The following HTRA1 variants were observed in gnomAD, a reference collection of about 807,000 sequenced individuals.
The protein encoded by HTRA1 is HtrA serine peptidase 1.
Under a neutral mutation model 49.7 loss-of-function variants are expected in HTRA1, and 26 were observed. The observed-to-expected ratio is 0.52, with a 90% CI of 0.38 to 0.73. The LOEUF (loss-of-function observed/expected upper bound fraction) is 0.73, where lower values mean the gene tolerates loss of function less well. Ranked by LOEUF, HTRA1 falls within the 30% of genes least tolerant of loss-of-function variation. HTRA1 has a pLI of 0.00. For synonymous variants in HTRA1, 291 were observed against 286.9 expected (o/e 1.01, Z -0.14); for missense variants, 561 against 667.2 (o/e 0.84, Z 1.75).
Position 122,461,952 on chromosome 10 carries a change from G to C in HTRA1, c.300G>C (p.Thr100=). 2 of 1,488,686 alleles carry C rather than the reference G, an allele frequency of 1.3e-6. No individual in the cohort carries two copies. Among genetic ancestry groups the C allele is most frequent in the South Asian group, 1.3e-5 (1 of 79,556 alleles). 92.2% of individuals were successfully genotyped at this position (1,488,686 alleles called of 1,614,324 possible). A position where few individuals can be genotyped will look rare whatever the true frequency, so the allele number is the denominator to read the frequency against. Residue 100 remains threonine (T), a synonymous_variant, in exon 1 of 9, where the codon ACG becomes ACC. Coordinates refer to ENST00000368984, the MANE Select transcript of HTRA1 (RefSeq NM_002775.5). ...CCTTCGGGGTGCCAGCCTCGGCCAC[G>C]GTGCGGCGGCGCGCGCAGGCCGGCC... ...VVPFGVPASA[T]VRRRAQAGLC...
Position 122,464,229 on chromosome 10 carries a change from G to A in HTRA1, c.472+2105G>A, listed in dbSNP as rs1472140705. 6.6e-6 allele frequency among the ~76,000 whole-genome samples: 1 copy of A among 152,206 alleles called. No individual in the cohort carries two copies. Among genetic ancestry groups the A allele is most frequent in the Non-Finnish European group, 1.5e-5 (1 of 68,044 alleles). On this transcript the variant is annotated intron_variant, in intron 1 of 8. Transcript: ENST00000368984. The surrounding 1 kb of genome is among the most constrained non-coding windows in gnomAD (Gnocchi z 4.8). ...GTCCTGAGTTGCTGGCACCATGCGA[G>A]CCGCCTAATTTATTGCTAGTGAGGC... is the stretch of plus-strand genomic sequence containing the variant.
At chr10:122,498,291 TC>T (rs1243058520) in intron 3 of HTRA1, among the ~76,000 whole-genome samples, 20 of 152,164 alleles carry the variant, frequency 1.3e-4, no homozygotes, top group African/African-American at 4.6e-4. Context: ...TCTACTCCCC[TC>T]CCTAGACAGT....
rs2097497511 is a variant in HTRA1 at position 122,494,337 on chromosome 10, T to C, written c.777+4711T>C. ...GAAGCAAGGGCACCCGCCACATGGATGGAATTGAGGGGAAGGCACCCGGGG... is the reference window on the plus strand; with the variant it reads ...GAAGCAAGGGCACCCGCCACATGGACGGAATTGAGGGGAAGGCACCCGGGG... On this transcript the variant is annotated intron_variant, in intron 3 of 8. Transcript: ENST00000368984. The surrounding 1 kb of genome is among the most constrained non-coding windows in gnomAD (Gnocchi z 4.0). 6.6e-6 allele frequency among the ~76,000 whole-genome samples: 1 copy of C among 151,978 alleles called. No homozygotes were observed. The highest frequency in any genetic ancestry group is 2.4e-5 in the African/African-American group (1 of 41,380).
Position 122,509,674 on chromosome 10 carries a change from G to A in HTRA1, c.1121-422G>A, listed in dbSNP as rs113896767. 6.8e-3 allele frequency among the ~76,000 whole-genome samples: 1,034 copies of A among 152,304 alleles called. 14 individuals carry two copies. Among genetic ancestry groups the A allele is most frequent in the African/African-American group, 0.024 (990 of 41,554 alleles). On this transcript the variant is annotated intron_variant, in intron 6 of 8. Transcript: ENST00000368984. ...GATGTCACTGAAAGGACACTCTGAT[G>A]GCTGCGGGGAGTCTGCTGGAGGGGT...
At chr10:122,476,134 C>G (rs983459443) in intron 1 of HTRA1, among the ~76,000 whole-genome samples, 1 of 152,198 alleles carries the variant, frequency 6.6e-6, no homozygotes, top group Non-Finnish European at 1.5e-5. Flanking sequence ...TGATTTCTCT[C>G]CTGACCCTCA....
At chr10:122,507,447 G>A (rs2097503539) in intron 5 of HTRA1, 45 bp downstream of exon 5, 3 of 1,418,300 alleles carry the variant, frequency 2.1e-6, no homozygotes, top group Non-Finnish European at 3.0e-6. Context: ...TTTTATCTAT[G>A]TATACGCTGT....
intron 3 of HTRA1, among the ~76,000 whole-genome samples, chr10:122,496,459 A>G (rs1285379607): frequency 1.3e-5 from 2 of 151,614 alleles, no homozygotes; most frequent in Non-Finnish European, 2.9e-5. Context: ...TGATTTTATA[A>G]ATGTGTGTTG....
rs777317444 is a variant in HTRA1 at position 122,461,629 on chromosome 10, A to ACCG, written c.-12_-10dup. On this transcript the variant is annotated 5_prime_UTR_variant, in exon 1 of 9. Transcript: ENST00000368984. ...TCCGGCCCTCGCCCTGTCCGCCGCC[A>ACCG]CCGCCGCCGCCGCCAGAGTCGCCAT... The ACCG allele has an allele frequency of 1.6e-5, 20 of 1,279,526 alleles. No individual in the cohort carries two copies. Among genetic ancestry groups the ACCG allele is most frequent in the African/African-American group, 4.9e-5 (3 of 61,786 alleles). The allele number at this position is 1,279,526 out of a possible 1,614,324, so 79.3% of individuals were successfully genotyped here.
At position 122,490,851 on chromosome 10, in the gene HTRA1, G is replaced by A. The variant is rs1043461137; in HGVS notation, c.777+1225G>A. On this transcript the variant is annotated intron_variant, in intron 3 of 8. Coordinates refer to ENST00000368984, the MANE Select transcript of HTRA1 (RefSeq NM_002775.5). The surrounding 1 kb of genome is among the most constrained non-coding windows in gnomAD (Gnocchi z 4.2). ...TTTTATAACATCAAGTTGCTGCCCAGCTCAGGCTCCTTTACGGCCAGTCTT... is the reference window on the plus strand; with the variant it reads ...TTTTATAACATCAAGTTGCTGCCCAACTCAGGCTCCTTTACGGCCAGTCTT... Among the ~76,000 whole-genome samples the A allele has an allele frequency of 3.9e-5, 6 of 152,140 alleles. No homozygotes were observed. Among genetic ancestry groups the A allele is most frequent in the Admixed American group, 6.5e-5 (1 of 15,276 alleles).
At position 122,489,017 on chromosome 10, in the gene HTRA1, CT is replaced by C; in HGVS notation, c.572+21del. The C allele has an allele frequency of 6.3e-7, 1 of 1,586,472 alleles. No homozygotes were observed. Among genetic ancestry groups the C allele is most frequent in the Non-Finnish European group, 8.7e-7 (1 of 1,154,798 alleles). On this transcript the variant is annotated intron_variant, in intron 2 of 8. Coordinates refer to ENST00000368984, the MANE Select transcript of HTRA1 (RefSeq NM_002775.5). ...TGTTTCGCAAGTAAAGAGAGCCTTC[CT>C]TTTTCCTATAACCTCCGAAGCTTTC...
intron 1 of HTRA1, among the ~76,000 whole-genome samples, chr10:122,467,211 A>G (rs1286137181): frequency 6.6e-6 from 1 of 152,208 alleles, no homozygotes; most frequent in Non-Finnish European, 1.5e-5. Context: ...AGCTCTGGTC[A>G]GGCTTAATTT....
At position 122,506,929 on chromosome 10, in the gene HTRA1, T is replaced by C; in HGVS notation, c.972+44T>C. ...GCGGGTGGGGATTGGGGCAGAGTTTTGCCAGGGGGAGAGGAGTCAGCATAG... is the reference window on the plus strand; with the variant it reads ...GCGGGTGGGGATTGGGGCAGAGTTTCGCCAGGGGGAGAGGAGTCAGCATAG... On this transcript the variant is annotated intron_variant, in intron 4 of 8. Transcript: ENST00000368984. This position sits in a 1 kb window ranked among gnomAD's most constrained non-coding sequence, Gnocchi z 5.2. 1 of 1,566,234 alleles carries C rather than the reference T, an allele frequency of 6.4e-7. No individual in the cohort carries two copies. The highest frequency in any genetic ancestry group is 8.8e-7 in the Non-Finnish European group (1 of 1,139,820).
At chr10:122,504,943 C>A (rs909572759) in intron 3 of HTRA1, among the ~76,000 whole-genome samples, 3 of 152,242 alleles carry the variant, frequency 2.0e-5, no homozygotes, top group Non-Finnish European at 4.4e-5. Flanking sequence ...ACTGTCAGGG[C>A]AGACCTTTAC....
intron 1 of HTRA1, among the ~76,000 whole-genome samples, chr10:122,477,181 A>G (rs1345108932): frequency 1.3e-5 from 2 of 152,092 alleles, no homozygotes; most frequent in South Asian, 2.1e-4. Context: ...GTTAGCCAGG[A>G]CGGTCTCGAT....
Position 122,494,326 on chromosome 10 carries a change from C to T in HTRA1, c.777+4700C>T, listed in dbSNP as rs149810484. Reference sequence around the variant, plus strand: ...CTGCCCCGGAGGAAGCAAGGGCACCCGCCACATGGATGGAATTGAGGGGAA... The same window carrying T: ...CTGCCCCGGAGGAAGCAAGGGCACCTGCCACATGGATGGAATTGAGGGGAA... On this transcript the variant is annotated intron_variant, in intron 3 of 8. Transcript: ENST00000368984. The surrounding 1 kb of genome is among the most constrained non-coding windows in gnomAD (Gnocchi z 4.0). Among the ~76,000 whole-genome samples, 366 of 152,252 alleles carry T rather than the reference C, an allele frequency of 2.4e-3. 5 individuals carry two copies. The highest frequency in any genetic ancestry group is 8.3e-3 in the African/African-American group (346 of 41,550).
rs1411688538 is a variant in HTRA1 at position 122,503,677 on chromosome 10, A to G, written c.778-3014A>G. ...TATCCACATCTTTAAAATGGGGGGA[A>G]AATATAGCTCAACTCCTAATGGTGC... On this transcript the variant is annotated intron_variant, in intron 3 of 8. Transcript: ENST00000368984. 2.0e-5 allele frequency among the ~76,000 whole-genome samples: 3 copies of G among 152,146 alleles called. No individual in the cohort carries two copies. The East Asian group carries it at 5.8e-4, about 29-fold the overall frequency.
chr10:122,503,505 T>A (rs2097501786), intron 3 of HTRA1, among the ~76,000 whole-genome samples: 1 of 152,170 alleles, frequency 6.6e-6, no homozygotes, highest in African/African-American at 2.4e-5. Flanking sequence ...TCTGGCCTGG[T>A]CAACATCTCT....
At chr10:122,462,640 A>C (rs2097482027) in intron 1 of HTRA1, among the ~76,000 whole-genome samples, 1 of 152,216 alleles carries the variant, frequency 6.6e-6, no homozygotes, top group African/African-American at 2.4e-5. Flanking sequence ...GGAAAGGAAC[A>C]GTGTTTGCCG....
chr10:122,488,551 G>A (rs1428520059), intron 1 of HTRA1, among the ~76,000 whole-genome samples: 2 of 152,052 alleles, frequency 1.3e-5, no homozygotes, highest in African/African-American at 4.8e-5. Context: ...GACAGAGTGC[G>A]ACTCCATCTA....
Sources: gnomAD v4.1 joint callset for allele counts (sites outside exome capture counted in the v4.1 genomes callset) on GRCh38, gnomAD v4.1.1 for gene constraint, Gnocchi (gnomAD v3.1) non-coding constraint, MANE v1.5 for transcripts, NCBI Gene and HGNC (gene_info 2026-07-23, HGNC 2026-07-21) for gene names.